LACC1: variants seen among roughly 807,000 people sequenced by gnomAD.
LACC1 encodes laccase domain multifunctional purine nucleosidase 1.
LACC1 carries 25 observed loss-of-function variants against 34.8 expected under a neutral mutation model. The ratio of observed to expected loss-of-function variants is 0.72; its 90% CI spans 0.52 to 1.00. The LOEUF is 1.00. Ranked by LOEUF, LACC1 falls within the 50% of genes least tolerant of loss-of-function variation. The pLI is 0.00. For synonymous variants in LACC1, 162 were observed against 168.0 expected (o/e 0.96, Z 0.28); for missense variants, 426 against 511.2 (o/e 0.83, Z 1.61).
chr13:43,891,150 A>T (rs544695049), intron 6 of LACC1, among the ~76,000 whole-genome samples: 1 of 152,222 alleles, frequency 6.6e-6, no homozygotes, highest in East Asian at 1.9e-4. Context: ...GTACACTGAC[A>T]CATGATCTAA....
chr13:43,885,732 G>A (rs990532234), intron 4 of LACC1, among the ~76,000 whole-genome samples: 53 of 152,050 alleles, frequency 3.5e-4, no homozygotes, highest in Non-Finnish European at 6.0e-4. Context: ...GACTTCAAGA[G>A]CAAACAAAAA....
In LACC1 at chr13:43,892,440, G is replaced by A. The variant is rs1394577775; in HGVS notation, c.*993G>A. Reference sequence around the variant, plus strand: ...ATGGAAGTAAGAGGTGAGGAAGAGTGGAAAAGTCATTAATGACTCTAAGAT... The same window carrying A: ...ATGGAAGTAAGAGGTGAGGAAGAGTAGAAAAGTCATTAATGACTCTAAGAT... On this transcript the variant is annotated 3_prime_UTR_variant, in exon 7 of 7. Coordinates refer to ENST00000325686, the MANE Select transcript of LACC1 (RefSeq NM_153218.4). 1 of 151,932 alleles carries A rather than the reference G, an allele frequency of 6.6e-6. No homozygotes were observed. Among genetic ancestry groups the A allele is most frequent in the Admixed American group, 6.6e-5 (1 of 15,244 alleles). The allele number at this position is 151,932 out of a possible 1,614,324, so 9.4% of individuals were successfully genotyped here. A position where few individuals can be genotyped will look rare whatever the true frequency, so the allele number is the denominator to read the frequency against.
intron 5 of LACC1, 59 bp downstream of exon 5, chr13:43,889,041 T>C: frequency 7.1e-7 from 1 of 1,399,848 alleles, no homozygotes; most frequent in South Asian, 1.2e-5. Flanking sequence ...TAAAATGAAA[T>C]TTATTTTGGA....
intron 3 of LACC1, among the ~76,000 whole-genome samples, chr13:43,883,154 A>G (rs1376776880): frequency 6.6e-6 from 1 of 152,238 alleles, no homozygotes; most frequent in African/African-American, 2.4e-5. Flanking sequence ...TAATGAAATG[A>G]TGTGGAATAA....
At position 43,883,950 on chromosome 13, in the gene LACC1, A is replaced by G; in HGVS notation, c.907+14A>G. ...TTGCTCACGCTGGTAAGTATACTTA[A>G]TTAAACATTTAGAATTTTACTCATT... is the stretch of plus-strand genomic sequence containing the variant. On this transcript the variant is annotated intron_variant, in intron 4 of 6. Transcript: ENST00000325686. 1 of 1,589,474 alleles carries G rather than the reference A, an allele frequency of 6.3e-7. No individual in the cohort carries two copies. Among genetic ancestry groups the G allele is most frequent in the South Asian group, 1.1e-5 (1 of 87,422 alleles).
chr13:43,886,325 T>C (rs1955322011), intron 4 of LACC1, among the ~76,000 whole-genome samples: 1 of 152,192 alleles, frequency 6.6e-6, no homozygotes, highest in Non-Finnish European at 1.5e-5. Flanking sequence ...ATCACAGCAC[T>C]TTTCACAATA....
intron 3 of LACC1, 105 bp from the exon 4 acceptor site, chr13:43,883,666 T>A (rs1955180356): frequency 6.5e-6 from 5 of 770,412 alleles, no homozygotes; most frequent in Non-Finnish European, 9.5e-6. Context: ...CTAGTAATCT[T>A]AAACTGGTTA....
chr13:43,881,168 T>C lies in LACC1; in HGVS notation c.183T>C (p.Cys61=), dbSNP rs1566963281. Residue 61 remains cysteine (C), a synonymous_variant, in exon 2 of 7, where the codon TGT becomes TGC. Coordinates refer to ENST00000325686, the MANE Select transcript of LACC1 (RefSeq NM_153218.4). ...SYERDGEQDN[C]EIETSNGLSA... ...AAAGGGATGGAGAACAAGATAATTG[T>C]GAAATAGAAACAAGCAATGGATTAT... 2 of 1,614,168 alleles carry C rather than the reference T, an allele frequency of 1.2e-6. No individual in the cohort carries two copies. Among genetic ancestry groups the C allele is most frequent in the Non-Finnish European group, 1.7e-6 (2 of 1,180,030 alleles).
rs1955648372 is a variant in LACC1, at chr13:43,893,670, C to T, written c.*2223C>T. On this transcript the variant is annotated 3_prime_UTR_variant, in exon 7 of 7. Coordinates refer to ENST00000325686, the MANE Select transcript of LACC1 (RefSeq NM_153218.4). Reference sequence around the variant, plus strand: ...ACCAGTGTTAAATTTAAATAAAACACCTCATTTTTTCCAATTCAGGGAAGG... The same window carrying T: ...ACCAGTGTTAAATTTAAATAAAACATCTCATTTTTTCCAATTCAGGGAAGG... The T allele has an allele frequency of 1.3e-5, 2 of 151,910 alleles. No individual in the cohort carries two copies. The highest frequency in any genetic ancestry group is 3.0e-5 in the Non-Finnish European group (2 of 67,792). The allele number at this position is 151,910 out of a possible 1,614,324, so 9.4% of individuals were successfully genotyped here.
intron 3 of LACC1, among the ~76,000 whole-genome samples, chr13:43,882,717 G>A (rs1256218690): frequency 6.6e-6 from 1 of 151,898 alleles, no homozygotes; most frequent in East Asian, 1.9e-4. Flanking sequence ...AAGTTTCTAA[G>A]GCATATTTCT....
chr13:43,883,625 C>T, intron 3 of LACC1, 146 bp from the exon 4 acceptor site: 1 of 466,534 alleles, frequency 2.1e-6, no homozygotes, highest in Non-Finnish European at 3.6e-6. Context: ...TTGTGTTTTC[C>T]CATATATAAA....
intron 4 of LACC1, among the ~76,000 whole-genome samples, chr13:43,884,918 G>C (rs1421697345): frequency 6.6e-6 from 1 of 152,002 alleles, no homozygotes; most frequent in Non-Finnish European, 1.5e-5. Context: ...TTACTTCTTA[G>C]GTTCGAAAAC....
Position 43,893,699 on chromosome 13 carries a change from T to G in LACC1, c.*2252T>G, listed in dbSNP as rs572473384. The G allele has an allele frequency of 2.0e-4, 31 of 152,254 alleles. No individual in the cohort carries two copies. The highest frequency in any genetic ancestry group is 7.0e-4 in the African/African-American group (29 of 41,568). 9.4% of individuals were successfully genotyped at this position (152,254 alleles called of 1,614,324 possible). A position where few individuals can be genotyped will look rare whatever the true frequency, so the allele number is the denominator to read the frequency against. ...ATTTTTTCCAATTCAGGGAAGGCAC[T>G]AAACATAAAGCATAGGATAGAAATG... On this transcript the variant is annotated 3_prime_UTR_variant, in exon 7 of 7. Coordinates refer to ENST00000325686, the MANE Select transcript of LACC1 (RefSeq NM_153218.4).
In LACC1 at chr13:43,891,712, C is replaced by CTGTGT; in HGVS notation, c.*265_*266insTGTGT. ...TGTTCTCCCTGTTTATTACACAGAT[C>CTGTGT]AGGAATAGATTTGTTCAGTTCAGTA... is the stretch of plus-strand genomic sequence containing the variant. On this transcript the variant is annotated 3_prime_UTR_variant, in exon 7 of 7. Transcript: ENST00000325686. 1 of 265,864 alleles carries CTGTGT rather than the reference C, an allele frequency of 3.8e-6. No individual in the cohort carries two copies. The highest frequency in any genetic ancestry group is 5.8e-6 in the Non-Finnish European group (1 of 172,040). 16.5% of individuals were successfully genotyped at this position (265,864 alleles called of 1,614,324 possible). A position where few individuals can be genotyped will look rare whatever the true frequency, so the allele number is the denominator to read the frequency against.
rs997448726 is a variant in LACC1 at position 43,893,293 on chromosome 13, T to G, written c.*1846T>G. ...ACAGGCATTATCCCTTTTATTCAGC[T>G]GAGAAAACTGAGCTTCATTGAGGTG... On this transcript the variant is annotated 3_prime_UTR_variant, in exon 7 of 7. Coordinates refer to ENST00000325686, the MANE Select transcript of LACC1 (RefSeq NM_153218.4). 3 of 152,042 alleles carry G rather than the reference T, an allele frequency of 2.0e-5. No homozygotes were observed. Among genetic ancestry groups the G allele is most frequent in the African/African-American group, 7.2e-5 (3 of 41,442 alleles). The allele number at this position is 152,042 out of a possible 1,614,324, so 9.4% of individuals were successfully genotyped here.
Position 43,882,348 on chromosome 13 carries a change from A to G in LACC1, c.726A>G (p.Lys242=). Residue 242 remains lysine, a synonymous_variant, in exon 3 of 7, where the codon AAA becomes AAG. Transcript: ENST00000325686. The stretch of plus-strand genomic sequence containing the variant: ...ATGCTGCAGGATTTAATGTGGAGAA[A>G]TTTTACCGAATAAAGGTAAAATTTT... ...LANAAGFNVE[K]FYRIKTHHSN... 1 of 1,607,120 alleles carries G rather than the reference A, an allele frequency of 6.2e-7. No individual in the cohort carries two copies. The highest frequency in any genetic ancestry group is 8.5e-7 in the Non-Finnish European group (1 of 1,178,122).
intron 5 of LACC1, among the ~76,000 whole-genome samples, chr13:43,889,791 G>T (rs1018170066): frequency 1.3e-5 from 2 of 152,184 alleles, no homozygotes; most frequent in African/African-American, 4.8e-5. Flanking sequence ...GGTGAATTTT[G>T]CCTGATATCC....
At chr13:43,890,764 C>A (rs1955537485) in intron 6 of LACC1, among the ~76,000 whole-genome samples, 1 of 152,158 alleles carries the variant, frequency 6.6e-6, no homozygotes, top group Non-Finnish European at 1.5e-5. Flanking sequence ...TGATTTTCAA[C>A]TAGATTTCCA....
intron 4 of LACC1, among the ~76,000 whole-genome samples, chr13:43,888,092 A>G (rs569971716): frequency 1.3e-5 from 2 of 152,314 alleles, no homozygotes; most frequent in East Asian, 1.9e-4. Flanking sequence ...GTGTGTGCAT[A>G]CAATGGAATA....
Sources: allele counts gnomAD v4.1 joint callset (sites outside exome capture counted in the v4.1 genomes callset), GRCh38; gene constraint gnomAD v4.1.1; transcripts MANE v1.5; gene names NCBI Gene and HGNC (gene_info 2026-07-23, HGNC 2026-07-21).